TFPI: variants seen among roughly 807,000 people sequenced by gnomAD.
TFPI encodes tissue factor pathway inhibitor, also known as anti-convertin.
A neutral mutation model predicts 34.6 loss-of-function variants in TFPI; 15 were observed. That is an observed-to-expected ratio of 0.43 (90% CI 0.29 to 0.67). TFPI has a LOEUF of 0.67. Among genes scored for constraint, TFPI ranks in the 30% least tolerant of loss-of-function variants. The probability of loss-of-function intolerance (pLI) is 0.15; values close to 1 mark genes in which losing one functional copy is unlikely to be tolerated. For synonymous variants in TFPI, 105 were observed against 120.1 expected (o/e 0.87, Z 0.82); for missense variants, 301 against 364.0 (o/e 0.83, Z 1.41).
At chr2:187,494,559 T>C (rs993347841) in intron 3 of TFPI, among the ~76,000 whole-genome samples, 15 of 152,188 alleles carry the variant, frequency 9.9e-5, no homozygotes, top group African/African-American at 3.6e-4. Context: ...TAGTTCTTTA[T>C]GTTGGGGAGA....
At chr2:187,548,731 G>T (rs763814433) in intron 1 of TFPI, among the ~76,000 whole-genome samples, 1 of 151,934 alleles carries the variant, frequency 6.6e-6, no homozygotes, top group Non-Finnish European at 1.5e-5. Flanking sequence ...TTTTTTGAGG[G>T]CTCTTATTAA....
At chr2:187,547,360 A>G (rs756515108) in intron 1 of TFPI, 1 of 152,216 alleles carries the variant, frequency 6.6e-6, no homozygotes, top group Non-Finnish European at 1.5e-5. Flanking sequence ...AGTACAATAA[A>G]CATGACAAAT....
rs187909773 is a variant in TFPI, at chr2:187,465,718, C to G, written c.*1218G>C. ...GTTAGCGAGAAGTCATGAAGCTATT[C>G]ATGAAGCTATTCATGAAGCTAGTCA... is the stretch of plus-strand genomic sequence containing the variant. On this transcript the variant is annotated 3_prime_UTR_variant, in exon 8 of 8. Transcript: ENST00000233156. 1.6e-4 allele frequency: 25 copies of G among 152,112 alleles called. No homozygotes were observed. The highest frequency in any genetic ancestry group is 3.7e-4 in the Non-Finnish European group (25 of 67,984). 9.4% of individuals were successfully genotyped at this position (152,112 alleles called of 1,614,324 possible). A position where few individuals can be genotyped will look rare whatever the true frequency, so the allele number is the denominator to read the frequency against.
At chr2:187,486,192 T>A (rs1693246891) in intron 4 of TFPI, among the ~76,000 whole-genome samples, 1 of 151,714 alleles carries the variant, frequency 6.6e-6, no homozygotes, top group Admixed American at 6.6e-5. Flanking sequence ...TTATGATTTT[T>A]AGTTAATTGT....
chr2:187,511,656 C>A (rs573304780), intron 1 of TFPI, among the ~76,000 whole-genome samples: 1 of 152,156 alleles, frequency 6.6e-6, no homozygotes, highest in Non-Finnish European at 1.5e-5. Flanking sequence ...TAAGCCTTGA[C>A]GGGTCCGTTG....
At chr2:187,523,836 A>C (rs1481147549) in intron 1 of TFPI, among the ~76,000 whole-genome samples, 3 of 152,072 alleles carry the variant, frequency 2.0e-5, no homozygotes, top group Non-Finnish European at 4.4e-5. Context: ...AAATATTATT[A>C]CAGTCAATTT....
chr2:187,502,898 C>T (rs1685946328), intron 2 of TFPI, among the ~76,000 whole-genome samples: 1 of 152,106 alleles, frequency 6.6e-6, no homozygotes, highest in Non-Finnish European at 1.5e-5. Flanking sequence ...AATAAGAATG[C>T]ATTTATGGAA....
At chr2:187,525,502 C>T (rs967920987) in intron 1 of TFPI, among the ~76,000 whole-genome samples, 8 of 151,554 alleles carry the variant, frequency 5.3e-5, no homozygotes, top group African/African-American at 1.7e-4. Flanking sequence ...TTTTTAAGTT[C>T]GTTTAGTGGT....
chr2:187,512,566 A>G (rs1307926624), intron 1 of TFPI, among the ~76,000 whole-genome samples: 1 of 151,946 alleles, frequency 6.6e-6, no homozygotes, highest in Non-Finnish European at 1.5e-5. Context: ...AATTTGAACT[A>G]AACAAGTTCT....
intron 6 of TFPI, among the ~76,000 whole-genome samples, chr2:187,470,234 T>A (rs777339198): frequency 2.0e-5 from 3 of 152,144 alleles, no homozygotes; most frequent in Non-Finnish European, 2.9e-5. Flanking sequence ...GTGAATGTGG[T>A]TGTAAGTTGT....
chr2:187,533,322 T>C (rs1369464648), intron 1 of TFPI, among the ~76,000 whole-genome samples: 1 of 152,226 alleles, frequency 6.6e-6, no homozygotes, highest in Middle Eastern at 3.4e-3. Context: ...GAGCTCCAGC[T>C]GGCATATGGT....
In TFPI at chr2:187,465,446, C is replaced by T. The variant is rs1235572910; in HGVS notation, c.*1490G>A. 2 of 125,436 alleles carry T rather than the reference C, an allele frequency of 1.6e-5. No homozygotes were observed. The highest frequency in any genetic ancestry group is 5.0e-4 in the East Asian group (2 of 3,996). The allele number at this position is 125,436 out of a possible 1,614,324, so 7.8% of individuals were successfully genotyped here. Reference sequence around the variant, plus strand: ...CACCACTGCACTCCAGCCTGGGTGACAGAGTGGGACCCTGTCTAAAAAAAC... The same window carrying T: ...CACCACTGCACTCCAGCCTGGGTGATAGAGTGGGACCCTGTCTAAAAAAAC... On this transcript the variant is annotated 3_prime_UTR_variant, in exon 8 of 8. Transcript: ENST00000233156.
chr2:187,494,426 C>G (rs1040268033), intron 3 of TFPI, among the ~76,000 whole-genome samples: 1 of 152,208 alleles, frequency 6.6e-6, no homozygotes, highest in Non-Finnish European at 1.5e-5. Context: ...TGCCTTCACA[C>G]AGGAAGCAGG....
intron 1 of TFPI, among the ~76,000 whole-genome samples, chr2:187,510,039 C>A (rs1187406054): frequency 2.0e-5 from 3 of 152,156 alleles, no homozygotes; most frequent in Non-Finnish European, 4.4e-5. Flanking sequence ...CACACCCCTG[C>A]CCCTTTCAAG....
At chr2:187,543,361 A>G (rs1688682281) in intron 1 of TFPI, among the ~76,000 whole-genome samples, 1 of 152,252 alleles carries the variant, frequency 6.6e-6, no homozygotes, top group East Asian at 1.9e-4. Context: ...TGACTAGAAG[A>G]TAATTTGGGA....
In TFPI at chr2:187,498,462, T is replaced by C. The variant is rs1685633519; in HGVS notation, c.122-1384A>G. Reference sequence around the variant, plus strand: ...TTGTAACAAAATGATTGAAATGATATTGTTAATTTTTTATATGAGTCATAA... The same window carrying C: ...TTGTAACAAAATGATTGAAATGATACTGTTAATTTTTTATATGAGTCATAA... On this transcript the variant is annotated intron_variant, in intron 2 of 7. Coordinates refer to ENST00000233156, the MANE Select transcript of TFPI (RefSeq NM_006287.6). Among the ~76,000 whole-genome samples, 3 of 151,812 alleles carry C rather than the reference T, an allele frequency of 2.0e-5. 1 individual carries two copies. In the South Asian group the frequency reaches 6.2e-4, roughly 31 times the overall value.
intron 6 of TFPI, among the ~76,000 whole-genome samples, chr2:187,469,012 A>G (rs533700395): frequency 1.3e-4 from 20 of 152,244 alleles, no homozygotes; most frequent in African/African-American, 4.8e-4. Flanking sequence ...GCTTTAAGCA[A>G]GAAGCAGTCT....
chr2:187,505,349 C>T lies in TFPI; in HGVS notation c.-2-1579G>A, dbSNP rs1686135822. Among the ~76,000 whole-genome samples the T allele has an allele frequency of 2.0e-5, 3 of 152,050 alleles. No homozygotes were observed. The South Asian group carries it at 6.2e-4, about 31-fold the overall frequency. On this transcript the variant is annotated intron_variant, in intron 1 of 7. Coordinates refer to ENST00000233156, the MANE Select transcript of TFPI (RefSeq NM_006287.6). Reference sequence around the variant, plus strand: ...TATTGCCTAAACTTAGTACTTTAGACTTTCGTTGGGTGCTAGGATTAGAAA... The same window carrying T: ...TATTGCCTAAACTTAGTACTTTAGATTTTCGTTGGGTGCTAGGATTAGAAA...
chr2:187,480,935 CT>C (rs2105996363), intron 6 of TFPI, among the ~76,000 whole-genome samples: 1 of 152,006 alleles, frequency 6.6e-6, no homozygotes, highest in East Asian at 1.9e-4. Context: ...AAAAATATAT[CT>C]TGAAAGCCAT....
Sources: gnomAD v4.1 joint callset for allele counts (sites outside exome capture counted in the v4.1 genomes callset) on GRCh38, gnomAD v4.1.1 for gene constraint, MANE v1.5 for transcripts, NCBI Gene and HGNC (gene_info 2026-07-23, HGNC 2026-07-21) for gene names.